The following TRIM52 variants were observed in gnomAD, a reference collection of about 807,000 sequenced individuals.
TRIM52 encodes the protein E3 ubiquitin-protein ligase TRIM52.
Under a neutral mutation model 27.0 loss-of-function variants are expected in TRIM52, and 24 were observed. The ratio of observed to expected loss-of-function variants is 0.89; its 90% confidence interval spans 0.64 to 1.25. The LOEUF (loss-of-function observed/expected upper bound fraction) is 1.25, where lower values mean the gene tolerates loss of function less well. TRIM52 is among the 50% of genes most tolerant of loss of function. The probability of loss-of-function intolerance (pLI) is 0.00; values close to 1 mark genes in which losing one functional copy is unlikely to be tolerated. For missense variants in TRIM52, 351 were observed against 354.7 expected (o/e 0.99, Z 0.08); for synonymous variants, 125 against 126.5 (o/e 0.99, Z 0.08).
chr5:181,251,498 T>G (rs1485058224), downstream of TRIM52, among the ~76,000 whole-genome samples: 1 of 152,164 alleles, frequency 6.6e-6, no homozygotes, highest in Non-Finnish European at 1.5e-5. Flanking sequence ...CTATTTCTAA[T>G]TCAAATCCCC....
intron 1 of TRIM52, chr5:181,259,596 GTCTATTATC>G (rs1582318072): frequency 4.0e-6 from 1 of 247,916 alleles, no homozygotes; most frequent in East Asian, 1.0e-4. Flanking sequence ...GGTCCCAAAT[GTCTATTATC>G]TCCAAGTACT....
chr5:181,259,058 T>C (rs930462730), intron 1 of TRIM52: 2 of 152,206 alleles, frequency 1.3e-5, no homozygotes, highest in African/African-American at 4.8e-5. Flanking sequence ...AGACTTTTGG[T>C]AAGGAAGATG....
chr5:181,249,521 A>C (rs1264220953), downstream of TRIM52, among the ~76,000 whole-genome samples: 5 of 152,004 alleles, frequency 3.3e-5, no homozygotes, highest in Non-Finnish European at 7.4e-5. Context: ...AAAATTTTTA[A>C]AAATTTTAGC....
chr5:181,251,695 ACT>A (rs1250594222), downstream of TRIM52, among the ~76,000 whole-genome samples: 1 of 151,750 alleles, frequency 6.6e-6, no homozygotes, highest in Non-Finnish European at 1.5e-5. Context: ...ACACTTGAGG[ACT>A]CTCTGGTTTG....
Position 181,260,641 on chromosome 5 carries a change from T to G in TRIM52, c.173A>C (p.Glu58Ala). Reference sequence around the variant, plus strand: ...CTCCTCCTCCCATTCATCTTCCTCCTCGTTCTGGTCCTCCTCGTCCTCCTT... The same window carrying G: ...CTCCTCCTCCCATTCATCTTCCTCCGCGTTCTGGTCCTCCTCGTCCTCCTT... Reference protein sequence around the residue: ...WSKEDEEDQNEEEDEWEEEED... With the variant: ...WSKEDEEDQNAEEDEWEEEED... The change falls in exon 1 of 2, where the codon GAG becomes GCG. Residue 58 changes from glutamate (E) to alanine (A), a missense_variant. Coordinates refer to ENST00000688015, the MANE Select transcript of TRIM52 (RefSeq NM_001346048.2). The surrounding 1 kb of genome is among the most constrained non-coding windows in gnomAD (Gnocchi z 4.4). 6.2e-7 allele frequency: 1 copy of G among 1,613,818 alleles called. No homozygotes were observed. Among genetic ancestry groups the G allele is most frequent in the Non-Finnish European group, 8.5e-7 (1 of 1,179,964 alleles).
Position 181,261,052 on chromosome 5 carries a change from G to A in TRIM52, c.-239C>T. On this transcript the variant is annotated 5_prime_UTR_variant, in exon 1 of 2. Coordinates refer to ENST00000688015, the MANE Select transcript of TRIM52 (RefSeq NM_001346048.2). ...AGCAGGCTGCAGCCCCCAGCTGCTC[G>A]GTCCTGTCACGTCTCTCGCTACCCT... 1 of 537,906 alleles carries A rather than the reference G, an allele frequency of 1.9e-6. No homozygotes were observed. Among genetic ancestry groups the A allele is most frequent in the Middle Eastern group, 4.9e-4 (1 of 2,050 alleles). 33.3% of individuals were successfully genotyped at this position (537,906 alleles called of 1,614,324 possible). A position where few individuals can be genotyped will look rare whatever the true frequency, so the allele number is the denominator to read the frequency against.
chr5:181,251,033 T>C (rs920982265), downstream of TRIM52, among the ~76,000 whole-genome samples: 1 of 152,178 alleles, frequency 6.6e-6, no homozygotes, highest in African/African-American at 2.4e-5. Flanking sequence ...CTCCTGCCTA[T>C]AATCCCAGCA....
chr5:181,249,553 G>A (rs1013976996), downstream of TRIM52, among the ~76,000 whole-genome samples: 4 of 152,058 alleles, frequency 2.6e-5, no homozygotes, highest in Non-Finnish European at 5.9e-5. Flanking sequence ...GTGCACGCTT[G>A]TAGTCCCAGC....
At chr5:181,253,800 C>T (rs1759689817), downstream of TRIM52, among the ~76,000 whole-genome samples, 1 of 135,712 alleles carries the variant, frequency 7.4e-6, no homozygotes, top group Admixed American at 7.1e-5. Flanking sequence ...AGTTCAAGAC[C>T]AGCCTGGGCA....
At chr5:181,259,131 AG>A (rs1223869421) in intron 1 of TRIM52, 1 of 152,282 alleles carries the variant, frequency 6.6e-6, no homozygotes, top group Non-Finnish European at 1.5e-5. Flanking sequence ...CTAGAAAGCA[AG>A]GCATTAACCA....
In TRIM52 at chr5:181,256,359, A is replaced by G. The variant is rs1264485724; in HGVS notation, c.*450T>C. 6.7e-6 allele frequency: 1 copy of G among 150,278 alleles called. No homozygotes were observed. The highest frequency in any genetic ancestry group is 1.5e-5 in the Non-Finnish European group (1 of 68,012). The allele number at this position is 150,278 out of a possible 1,614,324, so 9.3% of individuals were successfully genotyped here. A position where few individuals can be genotyped will look rare whatever the true frequency, so the allele number is the denominator to read the frequency against. On this transcript the variant is annotated 3_prime_UTR_variant, in exon 2 of 2. Coordinates refer to ENST00000688015, the MANE Select transcript of TRIM52 (RefSeq NM_001346048.2). ...AGATTCATCTCAACCAACAGCAATA[A>G]AAGATGAGCCGATTTTTTTTTTTTT... is the stretch of plus-strand genomic sequence containing the variant.
At chr5:181,259,917 G>C in intron 1 of TRIM52, 84 bp downstream of exon 1, 1 of 1,602,306 alleles carries the variant, frequency 6.2e-7, no homozygotes, top group Non-Finnish European at 8.5e-7. Context: ...CTGAGGAGGT[G>C]GGAAAGGAAT....
chr5:181,257,700 TGAAA>T (rs1235388565), intron 1 of TRIM52: 6 of 351,116 alleles, frequency 1.7e-5, no homozygotes, highest in Admixed American at 1.4e-4. Context: ...GCCTAAAGAA[TGAAA>T]GAGACACCCA....
intron 1 of TRIM52, chr5:181,259,780 C>T: frequency 1.1e-6 from 1 of 934,286 alleles, no homozygotes; most frequent in Non-Finnish European, 1.6e-6. Flanking sequence ...ATTATCTGTT[C>T]AGCTTCCTCT....
Position 181,255,189 on chromosome 5 carries a change from A to G in TRIM52, c.*1620T>C, listed in dbSNP as rs1759724927. 1 of 152,246 alleles carries G rather than the reference A, an allele frequency of 6.6e-6. No individual in the cohort carries two copies. Among genetic ancestry groups the G allele is most frequent in the African/African-American group, 2.4e-5 (1 of 41,462 alleles). 9.4% of individuals were successfully genotyped at this position (152,246 alleles called of 1,614,324 possible). A position where few individuals can be genotyped will look rare whatever the true frequency, so the allele number is the denominator to read the frequency against. On this transcript the variant is annotated 3_prime_UTR_variant, in exon 2 of 2. Coordinates refer to ENST00000688015, the MANE Select transcript of TRIM52 (RefSeq NM_001346048.2). ...AATTTATTCAGATGATGTGATAGCC[A>G]TGTCACTGTTAAGCCTGAACTTTTC... is the stretch of plus-strand genomic sequence containing the variant.
At position 181,261,093 on chromosome 5, in the gene TRIM52, A is replaced by G. The variant is rs1185076523; in HGVS notation, c.-280T>C. On this transcript the variant is annotated 5_prime_UTR_variant, in exon 1 of 2. Transcript: ENST00000688015. Reference sequence around the variant, plus strand: ...TCGCTACCCTCAGGGTGTGCCCTACACTGCGGCGTCCGCCTCAGATGCAGC... The same window carrying G: ...TCGCTACCCTCAGGGTGTGCCCTACGCTGCGGCGTCCGCCTCAGATGCAGC... 1.0e-5 allele frequency: 4 copies of G among 387,312 alleles called. No homozygotes were observed. The highest frequency in any genetic ancestry group is 1.1e-4 in the South Asian group (2 of 18,198). 24.0% of individuals were successfully genotyped at this position (387,312 alleles called of 1,614,324 possible). A position where few individuals can be genotyped will look rare whatever the true frequency, so the allele number is the denominator to read the frequency against.
At chr5:181,251,196 A>G (rs577543524), downstream of TRIM52, among the ~76,000 whole-genome samples, 1 of 152,178 alleles carries the variant, frequency 6.6e-6, no homozygotes, top group East Asian at 1.9e-4. Context: ...CTGGAGGCTG[A>G]GGCAGGAGAA....
Position 181,260,676 on chromosome 5 carries a change from C to T in TRIM52, c.138G>A (p.Gln46=). 1 of 1,614,040 alleles carries T rather than the reference C, an allele frequency of 6.2e-7. No homozygotes were observed. The highest frequency in any genetic ancestry group is 8.5e-7 in the Non-Finnish European group (1 of 1,180,022). Residue 46 remains glutamine, a synonymous_variant, in exon 1 of 2, where the codon CAG becomes CAA. Coordinates refer to ENST00000688015, the MANE Select transcript of TRIM52 (RefSeq NM_001346048.2). This position sits in a 1 kb window ranked among gnomAD's most constrained non-coding sequence, Gnocchi z 4.4. ...CCTCCTCGTCCTCCTTACTCCACAG[C>T]TGGGTCACACACCCTCGGCAGAAGT... The part of the protein sequence containing the change: ...GHNFCRGCVT[Q]LWSKEDEEDQ...
chr5:181,257,062 C>G, intron 1 of TRIM52: 2 of 1,005,684 alleles, frequency 2.0e-6, no homozygotes, highest in Non-Finnish European at 2.4e-6. Context: ...TGCCTGATCC[C>G]CAATAAGTGA....
Sources: allele counts gnomAD v4.1 joint callset (sites outside exome capture counted in the v4.1 genomes callset), GRCh38; gene constraint gnomAD v4.1.1; non-coding constraint Gnocchi (gnomAD v3.1); transcripts MANE v1.5; gene names NCBI Gene and HGNC (gene_info 2026-07-23, HGNC 2026-07-21).